The following GALNTL6 variants were observed in gnomAD, a reference collection of about 807,000 sequenced individuals.
GALNTL6 encodes polypeptide N-acetylgalactosaminyltransferase like 6, also known as polypeptide N-acetylgalactosaminyltransferase-like 6.
A neutral mutation model predicts 73.7 loss-of-function variants in GALNTL6; 46 were observed. That is an observed-to-expected ratio of 0.62 (90% CI 0.49 to 0.80). The LOEUF (loss-of-function observed/expected upper bound fraction) is 0.80, where lower values mean the gene tolerates loss of function less well. GALNTL6 is among the 30% of genes least tolerant of loss of function. The probability of loss-of-function intolerance (pLI) is 0.00; values close to 1 mark genes in which losing one functional copy is unlikely to be tolerated. For missense variants in GALNTL6, 604 were observed against 755.0 expected, an observed-to-expected ratio of 0.80 and a Z score of 2.34; for synonymous variants, 259 against 263.7, an observed-to-expected ratio of 0.98 and a Z score of 0.17.
At chr4:172,535,272 A>G (rs1289809312) in intron 5 of GALNTL6, among the ~76,000 whole-genome samples, 1 of 152,242 alleles carries the variant, frequency 6.6e-6, no homozygotes. Context: ...ATGCATTATG[A>G]TGAAGAATCA....
At chr4:172,743,424 T>G (rs1204605931) in intron 5 of GALNTL6, among the ~76,000 whole-genome samples, 12 of 152,182 alleles carry the variant, frequency 7.9e-5, no homozygotes, top group African/African-American at 1.2e-4. Flanking sequence ...GCCTTGTTTT[T>G]GGGGGTAGAT....
chr4:172,633,625 A>G (rs1419198250), intron 5 of GALNTL6, among the ~76,000 whole-genome samples: 3 of 152,174 alleles, frequency 2.0e-5, no homozygotes, highest in Non-Finnish European at 2.9e-5. Context: ...AAATGAGTTA[A>G]GACTTTGGGG....
intron 5 of GALNTL6, among the ~76,000 whole-genome samples, chr4:172,755,891 G>A (rs1486580912): frequency 6.6e-6 from 1 of 152,124 alleles, no homozygotes; most frequent in Non-Finnish European, 1.5e-5. Context: ...CTTATTTAAT[G>A]AGTTTAAACC....
chr4:172,828,564 T>TA (rs544442482), intron 7 of GALNTL6, among the ~76,000 whole-genome samples: 53 of 151,668 alleles, frequency 3.5e-4, no homozygotes, highest in South Asian at 6.2e-4. Flanking sequence ...TAAATTAGCA[T>TA]AAAAAAAGAG....
chr4:172,633,331 T>C (rs1308965640), intron 5 of GALNTL6, among the ~76,000 whole-genome samples: 1 of 152,210 alleles, frequency 6.6e-6, no homozygotes, highest in African/African-American at 2.4e-5. Context: ...GGAACCCACC[T>C]CTTGCATCAG....
intron 7 of GALNTL6, among the ~76,000 whole-genome samples, chr4:172,838,492 A>G (rs1289837305): frequency 6.6e-6 from 1 of 152,212 alleles, no homozygotes; most frequent in Admixed American, 6.5e-5. Flanking sequence ...TACCACACAC[A>G]GACAATTTTG....
chr4:172,561,278 A>AC lies in GALNTL6; in HGVS notation c.553+212589_553+212590insC, dbSNP rs1414800819. On this transcript the variant is annotated intron_variant, in intron 5 of 12. Coordinates refer to ENST00000506823, the MANE Select transcript of GALNTL6 (RefSeq NM_001034845.3). Reference sequence around the variant, plus strand: ...CCGTCTCAAAAAAAAAAAAAAAAAAAAAAAAAATATTGCCCAAGTTCACAC... The same window carrying AC: ...CCGTCTCAAAAAAAAAAAAAAAAAAACAAAAAAATATTGCCCAAGTTCACAC... Among the ~76,000 whole-genome samples, 6 of 151,162 alleles carry AC rather than the reference A, an allele frequency of 4.0e-5. No individual in the cohort carries two copies. In the South Asian group the frequency reaches 1.3e-3, roughly 32 times the overall value.
intron 3 of GALNTL6, among the ~76,000 whole-genome samples, chr4:172,254,653 G>A (rs1579303860): frequency 2.6e-5 from 4 of 151,756 alleles, no homozygotes; most frequent in South Asian, 4.1e-4. Flanking sequence ...AGTAATGATC[G>A]TGTAAAGAGC....
chr4:172,788,637 A>G (rs547799982), intron 5 of GALNTL6, among the ~76,000 whole-genome samples: 1 of 144,764 alleles, frequency 6.9e-6, no homozygotes, highest in Admixed American at 7.4e-5. Context: ...GCACCACTGC[A>G]CTCCAGCCTG....
chr4:172,332,629 A>G (rs1302994337), intron 4 of GALNTL6, among the ~76,000 whole-genome samples: 1 of 152,072 alleles, frequency 6.6e-6, no homozygotes, highest in Non-Finnish European at 1.5e-5. Context: ...TGCAAATGAC[A>G]TGATTTTATT....
chr4:171,987,429 T>A (rs1017244012), intron 2 of GALNTL6, among the ~76,000 whole-genome samples: 1 of 152,182 alleles, frequency 6.6e-6, no homozygotes, highest in Non-Finnish European at 1.5e-5. Context: ...AAGAAATGAC[T>A]GCGGTGGCCT....
intron 5 of GALNTL6, among the ~76,000 whole-genome samples, chr4:172,408,837 C>T (rs1370703899): frequency 6.6e-6 from 1 of 151,984 alleles, no homozygotes; most frequent in African/African-American, 2.4e-5. Flanking sequence ...TTAAGATTTA[C>T]ACCAACAGTT....
rs369734166 is a variant in GALNTL6 at position 172,969,889 on chromosome 4, G to T, written c.1371+17631G>T. Among the ~76,000 whole-genome samples the T allele has an allele frequency of 3.3e-5, 5 of 152,200 alleles. No individual in the cohort carries two copies. In the East Asian group the frequency reaches 7.7e-4, roughly 23 times the overall value. On this transcript the variant is annotated intron_variant, in intron 10 of 12. Transcript: ENST00000506823. ...GGGAACCAGCCCCCAATATTTCAAT[G>T]TAGTTTATTTCTATTTTCCCTAAGT...
At chr4:171,989,999 C>T (rs113500374) in intron 2 of GALNTL6, among the ~76,000 whole-genome samples, 3,451 of 152,046 alleles carry the variant, frequency 0.023, 90 homozygotes, top group African/African-American at 0.063. Context: ...GGGCTAGTCA[C>T]GGAAGGAAAC....
intron 3 of GALNTL6, among the ~76,000 whole-genome samples, chr4:172,308,749 AT>A (rs1275764516): frequency 1.3e-5 from 2 of 152,194 alleles, no homozygotes; most frequent in South Asian, 2.1e-4. Flanking sequence ...AAATTTTGTC[AT>A]TAATGGAAGA....
At chr4:171,819,410 T>G (rs549485068) in intron 2 of GALNTL6, among the ~76,000 whole-genome samples, 3 of 152,072 alleles carry the variant, frequency 2.0e-5, no homozygotes, top group Non-Finnish European at 2.9e-5. Context: ...GTCAAAAAAA[T>G]AAATAAATAA....
intron 5 of GALNTL6, among the ~76,000 whole-genome samples, chr4:172,730,973 G>T (rs1736111858): frequency 1.3e-5 from 2 of 151,970 alleles, no homozygotes; most frequent in South Asian, 2.1e-4. Context: ...CCAGCTACTT[G>T]GGAGGCTGAG....
At chr4:172,984,311 G>A (rs1751199231) in intron 10 of GALNTL6, among the ~76,000 whole-genome samples, 1 of 152,170 alleles carries the variant, frequency 6.6e-6, no homozygotes, top group Non-Finnish European at 1.5e-5. Flanking sequence ...TCACAGGGCA[G>A]CAGGAGAGAG....
intron 2 of GALNTL6, among the ~76,000 whole-genome samples, chr4:172,076,987 T>C (rs1392175509): frequency 2.0e-5 from 3 of 152,314 alleles, no homozygotes; most frequent in East Asian, 1.9e-4. Context: ...TCCCTTTGCT[T>C]TCTCTCTTCT....
Sources: gnomAD v4.1 joint callset for allele counts (sites outside exome capture counted in the v4.1 genomes callset) on GRCh38, gnomAD v4.1.1 for gene constraint, MANE v1.5 for transcripts, NCBI Gene and HGNC (gene_info 2026-07-23, HGNC 2026-07-21) for gene names.